C17orf113: variants seen among roughly 807,000 people sequenced by gnomAD.
The protein encoded by C17orf113 is chromosome 17 open reading frame 113.
C17orf113 carries 5 observed loss-of-function variants against 11.6 expected under a neutral mutation model. That is an observed-to-expected ratio of 0.43 (90% CI 0.23 to 0.91). The LOEUF is 0.91. Among genes scored for constraint, C17orf113 ranks in the 40% least tolerant of loss-of-function variants. The pLI is 0.26. For missense variants in C17orf113, 714 were observed against 841.3 expected (o/e 0.85, Z 1.87); for synonymous variants, 327 against 390.6 (o/e 0.84, Z 1.92).
chr17:42,039,466 T>C lies in C17orf113; in HGVS notation c.*239A>G, dbSNP rs1229985043. ...TGTAAAGGCCAGGAATGATTTAGGG[T>C]ACCCCAGATCCTAGCATCTCTGCCC... On this transcript the variant is annotated 3_prime_UTR_variant, in exon 3 of 3. Coordinates refer to ENST00000587304, the MANE Select transcript of C17orf113 (RefSeq NM_001358661.2). 4 of 386,554 alleles carry C rather than the reference T, an allele frequency of 1.0e-5. No individual in the cohort carries two copies. The East Asian group carries it at 1.5e-4, about 14-fold the overall frequency. The allele number at this position is 386,554 out of a possible 1,614,324, so 23.9% of individuals were successfully genotyped here.
At chr17:42,045,674 G>T (rs1555656574) in intron 1 of C17orf113, among the ~76,000 whole-genome samples, 2 of 152,170 alleles carry the variant, frequency 1.3e-5, no homozygotes, top group East Asian at 1.9e-4. Context: ...CCTTGGCCCA[G>T]TTCAGGCCCT....
chr17:42,045,015 T>C (rs1359640597), intron 1 of C17orf113, among the ~76,000 whole-genome samples: 71 of 151,890 alleles, frequency 4.7e-4, no homozygotes, highest in African/African-American at 1.5e-3. Flanking sequence ...CCTCCCGGGT[T>C]CACACCATTC....
chr17:42,039,525 C>T lies in C17orf113; in HGVS notation c.*180G>A. The stretch of plus-strand genomic sequence containing the variant: ...AGGCCCCTCTTGAGCCAGTCCCTTC[C>T]TCCACAGCCCACAGGGTGGGGGGGG... On this transcript the variant is annotated 3_prime_UTR_variant, in exon 3 of 3. Coordinates refer to ENST00000587304, the MANE Select transcript of C17orf113 (RefSeq NM_001358661.2). The T allele has an allele frequency of 2.3e-6, 1 of 441,162 alleles. No homozygotes were observed. The highest frequency in any genetic ancestry group is 3.4e-6 in the Non-Finnish European group (1 of 296,186). 27.3% of individuals were successfully genotyped at this position (441,162 alleles called of 1,614,324 possible). A position where few individuals can be genotyped will look rare whatever the true frequency, so the allele number is the denominator to read the frequency against.
chr17:42,044,973 A>G (rs2143694776), intron 1 of C17orf113, among the ~76,000 whole-genome samples: 1 of 146,648 alleles, frequency 6.8e-6, no homozygotes, highest in Admixed American at 6.9e-5. Flanking sequence ...GCTGGAGTGC[A>G]GTGGCGCAAT....
rs911188923 is a variant in C17orf113 at position 42,039,620 on chromosome 17, C to G, written c.*85G>C. On this transcript the variant is annotated 3_prime_UTR_variant, in exon 3 of 3. Coordinates refer to ENST00000587304, the MANE Select transcript of C17orf113 (RefSeq NM_001358661.2). ...TGGGAGGCTGCAGTCAGCAGATCAT[C>G]TTGGGTGCAGCATGGTCAAGTCTAG... The G allele has an allele frequency of 8.5e-7, 1 of 1,172,666 alleles. No individual in the cohort carries two copies. The highest frequency in any genetic ancestry group is 1.6e-5 in the African/African-American group (1 of 63,248). The allele number at this position is 1,172,666 out of a possible 1,614,324, so 72.6% of individuals were successfully genotyped here. A position where few individuals can be genotyped will look rare whatever the true frequency, so the allele number is the denominator to read the frequency against.
chr17:42,048,581 C>T (rs1158447791), intron 1 of C17orf113, among the ~76,000 whole-genome samples: 1 of 152,060 alleles, frequency 6.6e-6, no homozygotes, highest in African/African-American at 2.4e-5. Flanking sequence ...TGCCCCTCTC[C>T]CAATCATCCC....
At position 42,040,010 on chromosome 17, in the gene C17orf113, C is replaced by T. The variant is rs1176505358; in HGVS notation, c.1723G>A (p.Gly575Ser). 2.4e-6 allele frequency: 3 copies of T among 1,230,896 alleles called. No individual in the cohort carries two copies. Among genetic ancestry groups the T allele is most frequent in the Non-Finnish European group, 2.0e-6 (2 of 987,464 alleles). 76.2% of individuals were successfully genotyped at this position (1,230,896 alleles called of 1,614,324 possible). The change falls in exon 3 of 3, where the codon GGC becomes AGC. Residue 575 changes from glycine (G) to serine (S), a missense_variant. By Grantham distance (56) the Gly-to-Ser change is moderately conservative. Coordinates refer to ENST00000587304, the MANE Select transcript of C17orf113 (RefSeq NM_001358661.2). ...KRVVFGLGRLGPRALCTQLAC... is the reference protein window; with the variant it reads ...KRVVFGLGRLSPRALCTQLAC... ...AGCTGGGTGCACAGGGCCCGCGGGC[C>T]GAGCCGCCCAAGGCCGAATACTACG...
chr17:42,047,500 G>A (rs2143722943), intron 1 of C17orf113, among the ~76,000 whole-genome samples: 1 of 152,028 alleles, frequency 6.6e-6, no homozygotes, highest in South Asian at 2.1e-4. Context: ...TGCAGTAACT[G>A]TCTTGTCCAC....
Position 42,041,064 on chromosome 17 carries a change from A to G in C17orf113, c.669T>C (p.Thr223=). The G allele has an allele frequency of 5.7e-6, 7 of 1,232,326 alleles. No homozygotes were observed. Among genetic ancestry groups the G allele is most frequent in the Non-Finnish European group, 6.1e-6 (6 of 988,070 alleles). 76.3% of individuals were successfully genotyped at this position (1,232,326 alleles called of 1,614,324 possible). ...GCTGGCCATCACAGGGGGACACTGAAGTGGCAAACAGGGCCAGGCTGTGTG... is the reference window on the plus strand; with the variant it reads ...GCTGGCCATCACAGGGGGACACTGAGGTGGCAAACAGGGCCAGGCTGTGTG... ...PESHSLALFA[T]SVSPCDGQPA... The change falls in exon 3 of 3, where the codon ACT becomes ACC. Residue 223 remains threonine (T), a synonymous_variant. Transcript: ENST00000587304.
chr17:42,039,930 G>A lies in C17orf113; in HGVS notation c.1803C>T (p.Ala601=), dbSNP rs1170545434. The part of the protein sequence containing the change: ...HELFPDFAAL[A]ALALALPAGA... ...CCGCGGGCAGCGCCAAAGCCAAGGC[G>A]GCTAGGGCGGCGAAGTCGGGGAAGA... The change falls in exon 3 of 3, where the codon GCC becomes GCT. Residue 601 remains alanine (A), a synonymous_variant. Coordinates refer to ENST00000587304, the MANE Select transcript of C17orf113 (RefSeq NM_001358661.2). The A allele has an allele frequency of 7.3e-6, 9 of 1,231,204 alleles. No homozygotes were observed. The highest frequency in any genetic ancestry group is 8.4e-5 in the Admixed American group (2 of 23,702). 76.3% of individuals were successfully genotyped at this position (1,231,204 alleles called of 1,614,324 possible). A position where few individuals can be genotyped will look rare whatever the true frequency, so the allele number is the denominator to read the frequency against.
In C17orf113 at chr17:42,040,412, C is replaced by A. The variant is rs1239740663; in HGVS notation, c.1321G>T (p.Ala441Ser). 3 of 1,231,978 alleles carry A rather than the reference C, an allele frequency of 2.4e-6. No individual in the cohort carries two copies. The highest frequency in any genetic ancestry group is 2.0e-6 in the Non-Finnish European group (2 of 988,006). The allele number at this position is 1,231,978 out of a possible 1,614,324, so 76.3% of individuals were successfully genotyped here. ...CGGGCCCCACCTGAGCCGCGCTGAGCTTGGAGGGAGGCCGCAGCCGCCATC... is the reference window on the plus strand; with the variant it reads ...CGGGCCCCACCTGAGCCGCGCTGAGATTGGAGGGAGGCCGCAGCCGCCATC... The part of the protein sequence containing the change: ...LVMAAAASLQ[A>S]QRGSGGARLQ... Residue 441 changes from alanine (A) to serine (S), a missense_variant, in exon 3 of 3, where the codon GCT becomes TCT. Around this residue, in one of 3 missense-constraint regions of C17orf113, gnomAD observed 516 missense variants for 626.6 expected, o/e 0.82. Coordinates refer to ENST00000587304, the MANE Select transcript of C17orf113 (RefSeq NM_001358661.2).
chr17:42,039,544 G>T lies in C17orf113; in HGVS notation c.*161C>A, dbSNP rs559922103. 3.9e-5 allele frequency: 17 copies of T among 437,210 alleles called. No individual in the cohort carries two copies. In the South Asian group the frequency reaches 5.2e-4, roughly 13 times the overall value. The allele number at this position is 437,210 out of a possible 1,614,324, so 27.1% of individuals were successfully genotyped here. ...CCCTTCCTCCACAGCCCACAGGGTGGGGGGGGTTGGTGGGAAGCTCCAGAA... is the reference window on the plus strand; with the variant it reads ...CCCTTCCTCCACAGCCCACAGGGTGTGGGGGGTTGGTGGGAAGCTCCAGAA... On this transcript the variant is annotated 3_prime_UTR_variant, in exon 3 of 3. Coordinates refer to ENST00000587304, the MANE Select transcript of C17orf113 (RefSeq NM_001358661.2).
chr17:42,044,907 G>T (rs1555656478), intron 1 of C17orf113, among the ~76,000 whole-genome samples: 4 of 137,772 alleles, frequency 2.9e-5, no homozygotes, highest in Admixed American at 1.7e-4. Context: ...GCCAAAACCT[G>T]CCAACTCTAC....
At chr17:42,041,256 G>C in intron 2 of C17orf113, 67 bp from the exon 3 acceptor site, 1 of 1,211,684 alleles carries the variant, frequency 8.3e-7, no homozygotes, top group Non-Finnish European at 1.0e-6. Flanking sequence ...GCGGAGGCAG[G>C]CAGTGCGGGG....
At position 42,040,293 on chromosome 17, in the gene C17orf113, G is replaced by GGAGTAACC. The variant is rs1250239372; in HGVS notation, c.1432_1439dup (p.Glu481ValfsTer90). 78 of 1,231,560 alleles carry GGAGTAACC rather than the reference G, an allele frequency of 6.3e-5. No individual in the cohort carries two copies. Among genetic ancestry groups the GGAGTAACC allele is most frequent in the Non-Finnish European group, 7.8e-5 (77 of 987,902 alleles). 76.3% of individuals were successfully genotyped at this position (1,231,560 alleles called of 1,614,324 possible). A position where few individuals can be genotyped will look rare whatever the true frequency, so the allele number is the denominator to read the frequency against. Reference sequence around the variant, plus strand: ...ACTCCAAGCCCCGGACCGCAGCCTCGGAGTAACCGAGCAGCTCCACGCCGC... The same window carrying GGAGTAACC: ...ACTCCAAGCCCCGGACCGCAGCCTCGGAGTAACCGAGTAACCGAGCAGCTCCACGCCGC... On this transcript the variant is annotated frameshift_variant, in exon 3 of 3. Transcript: ENST00000587304. LOFTEE classifies it low-confidence loss of function (END_TRUNC).
intron 1 of C17orf113, among the ~76,000 whole-genome samples, chr17:42,047,367 G>A (rs891201583): frequency 1.3e-4 from 20 of 152,022 alleles, no homozygotes; most frequent in Non-Finnish European, 2.4e-4. Context: ...TAGAGACGGG[G>A]TTTCACCGTG....
At position 42,039,902 on chromosome 17, in the gene C17orf113, C is replaced by A. The variant is rs1450676019; in HGVS notation, c.1831G>T (p.Ala611Ser). The A allele has an allele frequency of 1.6e-6, 2 of 1,231,368 alleles. No individual in the cohort carries two copies. Among genetic ancestry groups the A allele is most frequent in the South Asian group, 8.2e-5 (2 of 24,322 alleles). The allele number at this position is 1,231,368 out of a possible 1,614,324, so 76.3% of individuals were successfully genotyped here. A position where few individuals can be genotyped will look rare whatever the true frequency, so the allele number is the denominator to read the frequency against. The change falls in exon 3 of 3, where the codon GCT (alanine) becomes TCT (serine). Residue 611 changes from alanine to serine, a missense_variant. By Grantham distance (99) the Ala-to-Ser change is moderately conservative. Around this residue, in one of 3 missense-constraint regions of C17orf113, gnomAD observed 194 missense variants for 197.2 expected, o/e 0.98. Coordinates refer to ENST00000587304, the MANE Select transcript of C17orf113 (RefSeq NM_001358661.2). ...CGGCCGACCTTGTCCAGCAGGCCAG[C>A]GCCCGCGGGCAGCGCCAAAGCCAAG... ...AALALALPAGAGLLDKVGRSR... is the reference protein window; with the variant it reads ...AALALALPAGSGLLDKVGRSR...
intron 1 of C17orf113, among the ~76,000 whole-genome samples, chr17:42,047,148 C>CA (rs1399585735): frequency 6.6e-6 from 1 of 152,124 alleles, no homozygotes; most frequent in African/African-American, 2.4e-5. Context: ...TCTCCTGCCT[C>CA]AGCCTCCTGA....
intron 1 of C17orf113, among the ~76,000 whole-genome samples, chr17:42,044,307 CAAAAAAAAAAAAAAA>C (rs57246793): frequency 2.8e-5 from 2 of 70,548 alleles, no homozygotes; most frequent in Admixed American, 3.2e-4. Flanking sequence ...GACCCTGTCT[CAAAAAAAAAAAAAAA>C]AAAAAAAAAG....
Sources: gnomAD v4.1 joint callset for allele counts (sites outside exome capture counted in the v4.1 genomes callset) on GRCh38, gnomAD v4.1.1 for gene constraint, gnomAD v4.1.1 regional missense constraint, MANE v1.5 for transcripts, NCBI Gene and HGNC (gene_info 2026-07-23, HGNC 2026-07-21) for gene names.